Variants in SDC2 observed in about 807,000 individuals in gnomAD.
The protein encoded by SDC2 is syndecan 2.
SDC2 carries 13 observed loss-of-function variants against 22.2 expected under a neutral mutation model. The ratio of observed to expected loss-of-function variants is 0.59; its 90% CI spans 0.38 to 0.93. SDC2 has a LOEUF of 0.93. SDC2 is among the 40% of genes least tolerant of loss of function. SDC2 has a pLI of 0.00. For synonymous variants in SDC2, 94 were observed against 92.8 expected (o/e 1.01, Z -0.07); for missense variants, 235 against 246.8 (o/e 0.95, Z 0.32).
chr8:96,511,373 A>G (rs1813324916), intron 1 of SDC2, among the ~76,000 whole-genome samples: 1 of 152,230 alleles, frequency 6.6e-6, no homozygotes, highest in African/African-American at 2.4e-5. Flanking sequence ...GGAGCTCTTT[A>G]GAAATCCAGG....
chr8:96,605,009 C>A (rs1460663423), intron 3 of SDC2, among the ~76,000 whole-genome samples: 1 of 152,202 alleles, frequency 6.6e-6, no homozygotes, highest in East Asian at 1.9e-4. Flanking sequence ...CAGGGCGGCT[C>A]CAGTTCTGTG....
At chr8:96,533,501 T>C (rs1362991324) in intron 1 of SDC2, among the ~76,000 whole-genome samples, 1 of 152,228 alleles carries the variant, frequency 6.6e-6, no homozygotes, top group East Asian at 1.9e-4. Context: ...CACAGGGTGC[T>C]GATTGGTGTA....
intron 1 of SDC2, among the ~76,000 whole-genome samples, chr8:96,506,733 C>T (rs961382442): frequency 9.9e-5 from 15 of 152,086 alleles, no homozygotes; most frequent in African/African-American, 1.7e-4. Flanking sequence ...CTTAGCTGGC[C>T]GGGCACGGTG....
At chr8:96,517,803 A>G (rs2008118) in intron 1 of SDC2, among the ~76,000 whole-genome samples, 3,010 of 99,728 alleles carry the variant, frequency 0.03, 57 homozygotes, top group Admixed American at 0.068. Context: ...GTGTGTGTGT[A>G]TATATATATG....
intron 2 of SDC2, among the ~76,000 whole-genome samples, chr8:96,599,444 A>G (rs936246650): frequency 6.6e-6 from 1 of 152,202 alleles, no homozygotes; most frequent in Non-Finnish European, 1.5e-5. Context: ...TCATTGTAGG[A>G]ACAAATTAAG....
At chr8:96,599,598 G>T (rs58565321) in intron 2 of SDC2, among the ~76,000 whole-genome samples, 1 of 152,070 alleles carries the variant, frequency 6.6e-6, no homozygotes, top group African/African-American at 2.4e-5. Context: ...TGTTAGATAT[G>T]TATCTGTGAT....
chr8:96,591,800 A>T (rs1397206462), intron 1 of SDC2, among the ~76,000 whole-genome samples: 1 of 151,940 alleles, frequency 6.6e-6, no homozygotes, highest in African/African-American at 2.4e-5. Context: ...TGGGAGCACG[A>T]ATGGTGGTTC....
At position 96,494,281 on chromosome 8, in the gene SDC2, G is replaced by A; in HGVS notation, c.10G>A (p.Ala4Thr). Residue 4 changes from alanine to threonine, a missense_variant, in exon 1 of 5, where the codon GCG becomes ACG. Coordinates refer to ENST00000302190, the MANE Select transcript of SDC2 (RefSeq NM_002998.4). ...CCGGTCCCTGGGGAATATGCGGCGCGCGTGGATCCTGCTCACCTTGGGCTT... is the reference window on the plus strand; with the variant it reads ...CCGGTCCCTGGGGAATATGCGGCGCACGTGGATCCTGCTCACCTTGGGCTT... MRRAWILLTLGLVA... is the reference protein window; with the variant it reads MRRTWILLTLGLVA... The A allele has an allele frequency of 6.5e-7, 1 of 1,546,462 alleles. No homozygotes were observed. Among genetic ancestry groups the A allele is most frequent in the Non-Finnish European group, 8.7e-7 (1 of 1,149,328 alleles).
At chr8:96,542,406 T>C (rs1166947399) in intron 1 of SDC2, among the ~76,000 whole-genome samples, 1 of 152,158 alleles carries the variant, frequency 6.6e-6, no homozygotes, top group East Asian at 1.9e-4. Flanking sequence ...AATGAATGTT[T>C]TGGATGAGGA....
chr8:96,584,331 GCATTCTGTC>G (rs1814645546), intron 1 of SDC2, among the ~76,000 whole-genome samples: 1 of 152,206 alleles, frequency 6.6e-6, no homozygotes, highest in Non-Finnish European at 1.5e-5. Context: ...GCTTTCTGTG[GCATTCTGTC>G]AGCCCTTGTA....
At position 96,611,711 on chromosome 8, in the gene SDC2, A is replaced by C. The variant is rs563637887; in HGVS notation, c.*2163A>C. Reference sequence around the variant, plus strand: ...AAAAATTTCTGGCAAATATTTTGTCACTGCTGTAAAGCAAAATATTTGTGA... The same window carrying C: ...AAAAATTTCTGGCAAATATTTTGTCCCTGCTGTAAAGCAAAATATTTGTGA... On this transcript the variant is annotated 3_prime_UTR_variant, in exon 5 of 5. Transcript: ENST00000302190. 1.3e-5 allele frequency: 2 copies of C among 152,674 alleles called. No homozygotes were observed. Among genetic ancestry groups the C allele is most frequent in the South Asian group, 4.1e-4 (2 of 4,830 alleles). 9.5% of individuals were successfully genotyped at this position (152,674 alleles called of 1,614,324 possible). A position where few individuals can be genotyped will look rare whatever the true frequency, so the allele number is the denominator to read the frequency against.
intron 1 of SDC2, among the ~76,000 whole-genome samples, chr8:96,537,952 T>TTTTG (rs1554601574): frequency 8.0e-5 from 12 of 150,820 alleles, no homozygotes; most frequent in South Asian, 6.3e-4. Context: ...ATGTTTTGTT[T>TTTTG]TTTGTTTGTT....
At chr8:96,551,952 TC>T (rs1311647819) in intron 1 of SDC2, among the ~76,000 whole-genome samples, 1 of 152,142 alleles carries the variant, frequency 6.6e-6, no homozygotes, top group East Asian at 1.9e-4. Flanking sequence ...AGGGTATGTA[TC>T]CCCATGAGTC....
chr8:96,545,381 C>A (rs974715484), intron 1 of SDC2, among the ~76,000 whole-genome samples: 3 of 152,138 alleles, frequency 2.0e-5, no homozygotes, highest in African/African-American at 7.2e-5. Context: ...CTTCCCCCAA[C>A]AAGGTAATTC....
chr8:96,554,169 G>A (rs1814071865), intron 1 of SDC2, among the ~76,000 whole-genome samples: 1 of 152,068 alleles, frequency 6.6e-6, no homozygotes, highest in Non-Finnish European at 1.5e-5. Context: ...TTGATAAGAT[G>A]ATATGCAGTT....
intron 1 of SDC2, among the ~76,000 whole-genome samples, chr8:96,535,006 A>ATTT (rs774258378): frequency 4.0e-4 from 57 of 142,966 alleles, no homozygotes; most frequent in African/African-American, 1.4e-3. Flanking sequence ...ATGCCAAACA[A>ATTT]TTTTTTTTTT....
intron 1 of SDC2, among the ~76,000 whole-genome samples, chr8:96,575,091 G>A (rs948875901): frequency 6.6e-6 from 1 of 152,180 alleles, no homozygotes. Flanking sequence ...CACCTCTGCT[G>A]TGCAGCCTGG....
At chr8:96,510,519 T>G (rs1813312158) in intron 1 of SDC2, among the ~76,000 whole-genome samples, 1 of 152,196 alleles carries the variant, frequency 6.6e-6, no homozygotes, top group South Asian at 2.1e-4. Flanking sequence ...ACACACAATT[T>G]GAATAAAAGG....
chr8:96,498,861 T>C (rs1813116690), intron 1 of SDC2, among the ~76,000 whole-genome samples: 1 of 152,216 alleles, frequency 6.6e-6, no homozygotes, highest in Non-Finnish European at 1.5e-5. Flanking sequence ...CCTCTTTTTT[T>C]CTTCCTTGGG....
Sources: gnomAD v4.1 joint callset for allele counts (sites outside exome capture counted in the v4.1 genomes callset) on GRCh38, gnomAD v4.1.1 for gene constraint, MANE v1.5 for transcripts, NCBI Gene and HGNC (gene_info 2026-07-23, HGNC 2026-07-21) for gene names.